Variants in MPP7 observed in about 807,000 individuals in gnomAD.
MPP7 encodes the protein MAGUK p55 scaffold protein 7.
MPP7 carries 60 observed loss-of-function variants against 76.5 expected under a neutral mutation model. That is an observed-to-expected ratio of 0.78 (90% CI 0.64 to 0.97). MPP7 has a LOEUF of 0.97. Ranked by LOEUF, MPP7 falls within the 50% of genes least tolerant of loss-of-function variation. The pLI is 0.00. For missense variants in MPP7, 641 were observed against 694.0 expected (o/e 0.92, Z 0.86); for synonymous variants, 237 against 244.5 (o/e 0.97, Z 0.29).
At chr10:28,297,180 T>C (rs979774168) in intron 1 of MPP7, among the ~76,000 whole-genome samples, 4 of 152,236 alleles carry the variant, frequency 2.6e-5, no homozygotes, top group Non-Finnish European at 2.9e-5. Context: ...CAAGTGCATA[T>C]AGAAGTTATA....
At chr10:28,087,405 CTTTTT>C (rs1305165850) in intron 12 of MPP7, among the ~76,000 whole-genome samples, 4 of 151,718 alleles carry the variant, frequency 2.6e-5, no homozygotes, top group East Asian at 1.9e-4. Flanking sequence ...TTCTTTCTTT[CTTTTT>C]TTAATTAGAG....
chr10:28,055,789 G>A (rs1851529937), intron 16 of MPP7, among the ~76,000 whole-genome samples: 2 of 152,096 alleles, frequency 1.3e-5, no homozygotes, highest in South Asian at 2.1e-4. Context: ...TAAAAATAAG[G>A]CTGCTCTGAA....
At chr10:28,115,991 T>A (rs1438811707) in intron 11 of MPP7, among the ~76,000 whole-genome samples, 1 of 152,172 alleles carries the variant, frequency 6.6e-6, no homozygotes, top group Non-Finnish European at 1.5e-5. Flanking sequence ...AATTTTGAAT[T>A]AAGGTTATTC....
intron 11 of MPP7, among the ~76,000 whole-genome samples, chr10:28,119,432 T>C (rs1319308602): frequency 6.6e-6 from 1 of 152,056 alleles, no homozygotes; most frequent in Non-Finnish European, 1.5e-5. Flanking sequence ...AAAGAGTGAG[T>C]CATGGATTTA....
upstream of MPP7, among the ~76,000 whole-genome samples, chr10:28,304,808 A>G (rs770853122): frequency 1.3e-5 from 2 of 152,226 alleles, no homozygotes; most frequent in Non-Finnish European, 2.9e-5. Context: ...TAAATAATGT[A>G]TGTCTAAGAT....
rs886640443 is a variant in MPP7, at chr10:28,118,513, C to A, written c.952+1138G>T. The A allele has an allele frequency of 3.0e-6, 3 of 985,208 alleles. No individual in the cohort carries two copies. The African/African-American group carries it at 5.2e-5, about 17-fold the overall frequency. 61.0% of individuals were successfully genotyped at this position (985,208 alleles called of 1,614,324 possible). On this transcript the variant is annotated intron_variant, in intron 11 of 16. Transcript: ENST00000683449. ...CCTATTTAAAAATCCCTTTGAGAGC[C>A]AGTCAGGCAAGGAGCCTCAAAGCTC... is the stretch of plus-strand genomic sequence containing the variant.
chr10:28,058,658 G>A, intron 14 of MPP7, 55 bp from the exon 15 acceptor site: 6 of 971,830 alleles, frequency 6.2e-6, no homozygotes, highest in Non-Finnish European at 9.1e-6. Flanking sequence ...AATTATAGGT[G>A]GCAAGATAAA....
At chr10:28,300,316 T>G (rs1439652492) in intron 1 of MPP7, among the ~76,000 whole-genome samples, 1 of 152,072 alleles carries the variant, frequency 6.6e-6, no homozygotes, top group Non-Finnish European at 1.5e-5. Context: ...AGTCAAAGCT[T>G]CAGGTAAGAA....
Position 28,241,542 on chromosome 10 carries a change from A to C in MPP7, c.-131-2807T>G, listed in dbSNP as rs144530843. On this transcript the variant is annotated intron_variant, in intron 1 of 16. Transcript: ENST00000683449. ...AGTAATGATGTTATTTTCTTTGGCA[A>C]AATTCATTGAAAATGCTTTGGAATT... Among the ~76,000 whole-genome samples the C allele has an allele frequency of 2.0e-3, 299 of 152,288 alleles. 1 individual carries two copies. The Middle Eastern group carries it at 0.041, about 21-fold the overall frequency.
chr10:28,149,065 G>A lies in MPP7; in HGVS notation c.234+917C>T, dbSNP rs140709851. 3.2e-3 allele frequency among the ~76,000 whole-genome samples: 489 copies of A among 152,100 alleles called. 6 individuals are homozygous for A. The highest frequency in any genetic ancestry group is 0.011 in the African/African-American group (457 of 41,490). On this transcript the variant is annotated intron_variant, in intron 4 of 16. Transcript: ENST00000683449. Reference sequence around the variant, plus strand: ...AAAATGGGAACTAAACAAATAGCACGCAACTTGCAAATTTATTACATATGT... The same window carrying A: ...AAAATGGGAACTAAACAAATAGCACACAACTTGCAAATTTATTACATATGT...
At chr10:28,094,803 GA>G (rs1388029504) in intron 11 of MPP7, among the ~76,000 whole-genome samples, 5 of 152,110 alleles carry the variant, frequency 3.3e-5, no homozygotes, top group African/African-American at 1.2e-4. Flanking sequence ...AAATACAACA[GA>G]AATAGCCAGA....
chr10:28,131,668 A>G lies in MPP7; in HGVS notation c.339T>C (p.Thr113=), dbSNP rs754224329. The G allele has an allele frequency of 1.3e-6, 2 of 1,598,874 alleles. No individual in the cohort carries two copies. Among genetic ancestry groups the G allele is most frequent in the African/African-American group, 2.7e-5 (2 of 74,466 alleles). Reference sequence around the variant, plus strand: ...CTGGGTCGTAATTCTTCTGAGCCACAGTATCATGTACAGAGAGCAAAGCCT... The same window carrying G: ...CTGGGTCGTAATTCTTCTGAGCCACGGTATCATGTACAGAGAGCAAAGCCT... The part of the protein sequence containing the change: ...NVKALLSVHD[T]VAQKNYDPVL... The change falls in exon 6 of 17, where the codon ACT becomes ACC. Residue 113 remains threonine (T), a synonymous_variant. Coordinates refer to ENST00000683449, the MANE Select transcript of MPP7 (RefSeq NM_001318170.2).
intron 1 of MPP7, among the ~76,000 whole-genome samples, chr10:28,267,653 A>G (rs1840188434): frequency 6.6e-6 from 1 of 152,158 alleles, no homozygotes; most frequent in Admixed American, 6.5e-5. Context: ...AATCCAGAAC[A>G]CTTCTGGTCC....
chr10:28,327,231 T>TAAAAAAAAAAAA (rs59442840), intron 2 of MPP7, among the ~76,000 whole-genome samples: 5 of 95,750 alleles, frequency 5.2e-5, no homozygotes, highest in East Asian at 3.6e-4. Context: ...GTCAAAGAAG[T>TAAAAAAAAAAAA]AAAAAAAAAA....
intron 4 of MPP7, 54 bp downstream of exon 4, chr10:28,149,928 C>T: frequency 7.1e-7 from 1 of 1,418,010 alleles, no homozygotes; most frequent in Non-Finnish European, 9.9e-7. Context: ...CAGGTTCTGC[C>T]TGGGCCAGGT....
chr10:28,320,761 A>C (rs786391), intron 2 of MPP7, among the ~76,000 whole-genome samples: 37,527 of 151,840 alleles, frequency 0.25, 5,153 homozygotes, highest in East Asian at 0.49. Flanking sequence ...ATAATTACTT[A>C]ATATCTACAT....
At chr10:28,136,320 C>T (rs932922924) in intron 5 of MPP7, among the ~76,000 whole-genome samples, 5 of 151,922 alleles carry the variant, frequency 3.3e-5, no homozygotes, top group Admixed American at 1.3e-4. Context: ...TCCATGAAGC[C>T]GATCACTGGT....
At chr10:28,233,685 T>C (rs1838968293) in intron 2 of MPP7, among the ~76,000 whole-genome samples, 1 of 144,594 alleles carries the variant, frequency 6.9e-6, no homozygotes, top group Non-Finnish European at 1.5e-5. Context: ...GCCACTGCAT[T>C]CCAGCCTGGG....
At chr10:28,208,013 T>C (rs2134007550) in intron 2 of MPP7, among the ~76,000 whole-genome samples, 1 of 152,262 alleles carries the variant, frequency 6.6e-6, no homozygotes, top group African/African-American at 2.4e-5. Flanking sequence ...AAATAATTAT[T>C]ACCTATAACA....
Sources: allele counts gnomAD v4.1 joint callset (sites outside exome capture counted in the v4.1 genomes callset), GRCh38; gene constraint gnomAD v4.1.1; transcripts MANE v1.5; gene names NCBI Gene and HGNC (gene_info 2026-07-23, HGNC 2026-07-21).